Variants in SIPA1L3 observed in about 807,000 individuals in gnomAD.
SIPA1L3 encodes the protein signal-induced proliferation-associated 1-like protein 3.
A neutral mutation model predicts 150.1 loss-of-function variants in SIPA1L3; 59 were observed. The ratio of observed to expected loss-of-function variants is 0.39; its 90% CI spans 0.32 to 0.49. The LOEUF is 0.49. Ranked by LOEUF, SIPA1L3 falls within the 20% of genes least tolerant of loss-of-function variation. SIPA1L3 has a pLI of 0.86. For missense variants in SIPA1L3, 2,211 were observed against 2,489.5 expected, an observed-to-expected ratio of 0.89 and a Z score of 2.38; for synonymous variants, 1,070 against 1,077.6, an observed-to-expected ratio of 0.99 and a Z score of 0.14.
At chr19:37,921,174 G>T (rs1293690737) in intron 1 of SIPA1L3, among the ~76,000 whole-genome samples, 1 of 152,224 alleles carries the variant, frequency 6.6e-6, no homozygotes, top group Non-Finnish European at 1.5e-5. Flanking sequence ...TTGTGACAGT[G>T]CCTGGGACCT....
chr19:38,159,179 G>A (rs1326118505), intron 13 of SIPA1L3, among the ~76,000 whole-genome samples: 1 of 152,210 alleles, frequency 6.6e-6, no homozygotes, highest in African/African-American at 2.4e-5. Flanking sequence ...AGCCACACAC[G>A]CGGTGACACC....
chr19:37,980,562 C>T (rs1036250000), intron 1 of SIPA1L3, among the ~76,000 whole-genome samples: 5 of 152,100 alleles, frequency 3.3e-5, no homozygotes, highest in East Asian at 1.9e-4. Flanking sequence ...TTCCAGGTTC[C>T]GGGGAGCGTG....
intron 1 of SIPA1L3, among the ~76,000 whole-genome samples, chr19:37,957,183 C>T (rs1039363205): frequency 6.6e-6 from 1 of 152,190 alleles, no homozygotes; most frequent in Non-Finnish European, 1.5e-5. Flanking sequence ...ATTACTGTAG[C>T]TTTAAAGTTA....
chr19:38,044,233 G>C (rs1968997099), intron 2 of SIPA1L3, among the ~76,000 whole-genome samples: 1 of 152,222 alleles, frequency 6.6e-6, no homozygotes, highest in African/African-American at 2.4e-5. Context: ...GGCTGAGTCT[G>C]TTCGGTGCTG....
chr19:38,112,738 C>T (rs1970794685), intron 8 of SIPA1L3, among the ~76,000 whole-genome samples: 1 of 151,942 alleles, frequency 6.6e-6, no homozygotes, highest in Admixed American at 6.6e-5. Flanking sequence ...CAAAGCTGCT[C>T]CTCAGCCATC....
At chr19:37,923,252 G>C (rs938331487) in intron 1 of SIPA1L3, among the ~76,000 whole-genome samples, 2 of 152,180 alleles carry the variant, frequency 1.3e-5, no homozygotes, top group East Asian at 1.9e-4. Flanking sequence ...TCACAGTGGG[G>C]CTGTGTTCTG....
chr19:38,077,097 C>T (rs1418007091), intron 2 of SIPA1L3, among the ~76,000 whole-genome samples: 1 of 152,136 alleles, frequency 6.6e-6, no homozygotes, highest in Non-Finnish European at 1.5e-5. Flanking sequence ...GTCAAGATGG[C>T]AGGAGAAGCA....
At chr19:38,089,174 C>T (rs1433916016) in intron 4 of SIPA1L3, among the ~76,000 whole-genome samples, 2 of 151,758 alleles carry the variant, frequency 1.3e-5, no homozygotes, top group Non-Finnish European at 2.9e-5. Context: ...ACAAATTAGC[C>T]AGGTGTGGTA....
At chr19:38,060,081 C>T (rs1969414657) in intron 2 of SIPA1L3, among the ~76,000 whole-genome samples, 1 of 152,176 alleles carries the variant, frequency 6.6e-6, no homozygotes, top group African/African-American at 2.4e-5. Flanking sequence ...GACCAGAACC[C>T]TCTTTCTAAA....
intron 1 of SIPA1L3, among the ~76,000 whole-genome samples, chr19:37,924,556 TA>T (rs2046485201): frequency 6.6e-6 from 1 of 151,640 alleles, no homozygotes; most frequent in South Asian, 2.1e-4. Flanking sequence ...CAGGCGTCTG[TA>T]ATCCCAGCCG....
intron 9 of SIPA1L3, among the ~76,000 whole-genome samples, chr19:38,122,559 C>T (rs1471160540): frequency 6.6e-6 from 1 of 152,142 alleles, no homozygotes; most frequent in Non-Finnish European, 1.5e-5. Flanking sequence ...CTGTTCTCGA[C>T]GTGGTAGTGA....
At chr19:37,952,019 G>T (rs548302321) in intron 1 of SIPA1L3, among the ~76,000 whole-genome samples, 64 of 152,110 alleles carry the variant, frequency 4.2e-4, no homozygotes, top group Non-Finnish European at 7.4e-4. Flanking sequence ...CTGCCATAGG[G>T]ATTGGTTCAA....
At position 38,204,039 on chromosome 19, in the gene SIPA1L3, C is replaced by T. The variant is rs566154375; in HGVS notation, c.5121-88C>T. 1.4e-5 allele frequency: 14 copies of T among 1,036,728 alleles called. No homozygotes were observed. The African/African-American group carries it at 2.2e-4, about 16-fold the overall frequency. 64.2% of individuals were successfully genotyped at this position (1,036,728 alleles called of 1,614,324 possible). A position where few individuals can be genotyped will look rare whatever the true frequency, so the allele number is the denominator to read the frequency against. On this transcript the variant is annotated intron_variant, in intron 20 of 21. Transcript: ENST00000222345. ...GCTAGAATGTCAGGGATAAGGGGGC[C>T]TGTACCCCCAGGCTCCTCAGATGTG... is the stretch of plus-strand genomic sequence containing the variant.
intron 8 of SIPA1L3, among the ~76,000 whole-genome samples, chr19:38,111,949 A>ATACATGCACACACG (rs1477512265): frequency 6.6e-6 from 1 of 150,756 alleles, no homozygotes; most frequent in Admixed American, 6.6e-5. Flanking sequence ...ATGCACACAC[A>ATACATGCACACACG]TACATGCACA....
At chr19:37,945,013 C>T (rs939262913) in intron 1 of SIPA1L3, among the ~76,000 whole-genome samples, 4 of 152,140 alleles carry the variant, frequency 2.6e-5, no homozygotes, top group African/African-American at 7.2e-5. Flanking sequence ...ATAGCTTAGC[C>T]TAGCCTTCCT....
chr19:37,929,214 G>A (rs1197438603), intron 1 of SIPA1L3, among the ~76,000 whole-genome samples: 1 of 152,140 alleles, frequency 6.6e-6, no homozygotes, highest in African/African-American at 2.4e-5. Context: ...CTGGAGCCGG[G>A]GCCAGCCTTA....
rs111711792 is a variant in SIPA1L3 at position 37,946,171 on chromosome 19, T to A, written c.-379+38813T>A. On this transcript the variant is annotated intron_variant, in intron 1 of 21. Coordinates refer to ENST00000222345, the MANE Select transcript of SIPA1L3 (RefSeq NM_015073.3). ...ACTTTGTCTCAAAAAAAAAAAATAA[T>A]AATAATAATAAAGACTTGTGATATT... 5.2e-3 allele frequency among the ~76,000 whole-genome samples: 765 copies of A among 146,376 alleles called. 1 individual carries two copies. Among genetic ancestry groups the A allele is most frequent in the African/African-American group, 9.6e-3 (393 of 40,806 alleles).
chr19:38,140,668 G>A (rs1344273437), intron 10 of SIPA1L3, among the ~76,000 whole-genome samples: 2 of 152,132 alleles, frequency 1.3e-5, no homozygotes, highest in African/African-American at 4.8e-5. Flanking sequence ...AAAGGGCCAG[G>A]CAGTCGGAGT....
chr19:38,062,269 C>A (rs1969461976), intron 2 of SIPA1L3, among the ~76,000 whole-genome samples: 1 of 152,168 alleles, frequency 6.6e-6, no homozygotes, highest in African/African-American at 2.4e-5. Flanking sequence ...TTATTAAGTG[C>A]CCCGGTGTTC....
Sources: gnomAD v4.1 joint callset for allele counts (sites outside exome capture counted in the v4.1 genomes callset) on GRCh38, gnomAD v4.1.1 for gene constraint, MANE v1.5 for transcripts, NCBI Gene and HGNC (gene_info 2026-07-23, HGNC 2026-07-21) for gene names.